Variants in TANC2 observed in about 807,000 individuals in gnomAD.
TANC2 encodes the protein tetratricopeptide repeat, ankyrin repeat and coiled-coil containing 2, also known as protein TANC2.
Under a neutral mutation model 210.5 loss-of-function variants are expected in TANC2, and 26 were observed. The ratio of observed to expected loss-of-function variants is 0.12; its 90% CI spans 0.09 to 0.17. The LOEUF is 0.17. Among genes scored for constraint, TANC2 ranks in the 10% least tolerant of loss-of-function variants. The pLI is 1.00. For synonymous variants in TANC2, 931 were observed against 967.1 expected (o/e 0.96, Z 0.69); for missense variants, 2,129 against 2,608.9 (o/e 0.82, Z 4.01).
chr17:63,178,358 A>G (rs1028961451), intron 5 of TANC2, among the ~76,000 whole-genome samples: 1 of 151,918 alleles, frequency 6.6e-6, no homozygotes, highest in East Asian at 1.9e-4. Flanking sequence ...AAACTGCCCT[A>G]TGGGCGCACA....
intron 4 of TANC2, among the ~76,000 whole-genome samples, chr17:63,115,891 A>T (rs747096978): frequency 1.3e-5 from 2 of 152,184 alleles, no homozygotes; most frequent in African/African-American, 2.4e-5. Flanking sequence ...CTGTTAGTCC[A>T]ACTACAGTCA....
intron 11 of TANC2, among the ~76,000 whole-genome samples, chr17:63,328,869 A>G (rs2088015697): frequency 6.6e-6 from 1 of 152,176 alleles, no homozygotes; most frequent in Non-Finnish European, 1.5e-5. Context: ...TTATATACAT[A>G]TATCAAAACA....
intron 7 of TANC2, among the ~76,000 whole-genome samples, chr17:63,232,960 A>G (rs2042519675): frequency 6.6e-6 from 1 of 152,200 alleles, no homozygotes; most frequent in Non-Finnish European, 1.5e-5. Context: ...GGAGTTACTG[A>G]AATTCCCACA....
chr17:62,971,112 G>T (rs2031667383), intron 1 of TANC2, among the ~76,000 whole-genome samples: 1 of 151,984 alleles, frequency 6.6e-6, no homozygotes, highest in African/African-American at 2.4e-5. Context: ...AATACCGCTT[G>T]GTTTCTTTGA....
chr17:63,164,757 A>T (rs1215221142), intron 5 of TANC2, among the ~76,000 whole-genome samples: 1 of 152,154 alleles, frequency 6.6e-6, no homozygotes, highest in Non-Finnish European at 1.5e-5. Context: ...GAGAAGATAG[A>T]TGTCACAGCT....
intron 3 of TANC2, among the ~76,000 whole-genome samples, chr17:63,092,284 A>C (rs1170454976): frequency 1.3e-5 from 2 of 152,134 alleles, no homozygotes; most frequent in Non-Finnish European, 2.9e-5. Context: ...TTTACTTACA[A>C]ACTGCCAAAC....
intron 14 of TANC2, among the ~76,000 whole-genome samples, chr17:63,364,284 A>C (rs76627615): frequency 0.016 from 2,504 of 152,296 alleles, 30 homozygotes; most frequent in Middle Eastern, 0.031. Context: ...GACATCTATT[A>C]GTCAAATAGG....
intron 1 of TANC2, among the ~76,000 whole-genome samples, chr17:63,002,263 T>C (rs1037905618): frequency 4.6e-5 from 7 of 152,206 alleles, no homozygotes; most frequent in African/African-American, 1.7e-4. Flanking sequence ...CTGGGCAAGA[T>C]GGTGCCAGTT....
At chr17:63,184,383 T>A (rs1037579363) in intron 5 of TANC2, among the ~76,000 whole-genome samples, 1 of 152,168 alleles carries the variant, frequency 6.6e-6, no homozygotes, top group Non-Finnish European at 1.5e-5. Flanking sequence ...TCAAGGTCAG[T>A]GCCCTAAGTT....
chr17:63,080,137 A>C (rs902416778), intron 3 of TANC2, among the ~76,000 whole-genome samples: 5 of 152,202 alleles, frequency 3.3e-5, no homozygotes, highest in Admixed American at 2.6e-4. Flanking sequence ...GGGTCTTTGC[A>C]TACAGAACAG....
intron 12 of TANC2, among the ~76,000 whole-genome samples, chr17:63,349,447 G>C (rs1203096731): frequency 6.6e-6 from 1 of 152,130 alleles, no homozygotes; most frequent in Non-Finnish European, 1.5e-5. Context: ...GAAGGAACCT[G>C]GTTGAAGTTA....
At position 63,237,477 on chromosome 17, in the gene TANC2, TTTGCCTGTTTTTGTTTTTG is replaced by T. The variant is rs1716983594; in HGVS notation, c.770-328_770-310del. ...CAGAAGCTTTTTAGTTTTAGTTGCA[TTTGCCTGTTTTTGTTTTTG>T]TTGCCTGTGCTTTTGAAGTCTTAGT... On this transcript the variant is annotated intron_variant, in intron 7 of 27. Coordinates refer to ENST00000689528, the Ensembl canonical transcript of TANC2. 2.0e-5 allele frequency among the ~76,000 whole-genome samples: 3 copies of T among 152,044 alleles called. No individual in the cohort carries two copies. The South Asian group carries it at 6.2e-4, about 31-fold the overall frequency.
chr17:63,042,952 A>G (rs1403428168), intron 2 of TANC2, among the ~76,000 whole-genome samples: 2 of 152,130 alleles, frequency 1.3e-5, no homozygotes, highest in African/African-American at 2.4e-5. Context: ...TATAGTTTAC[A>G]AAGTAACAAC....
intron 5 of TANC2, among the ~76,000 whole-genome samples, chr17:63,163,333 A>T (rs910619511): frequency 9.9e-5 from 15 of 152,250 alleles, no homozygotes; most frequent in Admixed American, 2.0e-4. Context: ...AGATCACCGG[A>T]GGGGAGGAAG....
intron 4 of TANC2, among the ~76,000 whole-genome samples, chr17:63,117,557 G>A (rs2038299366): frequency 6.6e-6 from 1 of 152,166 alleles, no homozygotes. Context: ...TGTGCTTTGG[G>A]ACCATAATCA....
At chr17:63,102,671 G>A (rs2037673836) in intron 4 of TANC2, among the ~76,000 whole-genome samples, 1 of 148,648 alleles carries the variant, frequency 6.7e-6, no homozygotes. Context: ...TCACACACCA[G>A]GATTGTACGA....
At chr17:63,043,850 G>A (rs899071774) in intron 2 of TANC2, among the ~76,000 whole-genome samples, 1 of 152,100 alleles carries the variant, frequency 6.6e-6, no homozygotes, top group African/African-American at 2.4e-5. Context: ...GCCCATAGCA[G>A]GTATATACAG....
In TANC2 at chr17:63,418,301, T is replaced by C; in HGVS notation, c.4168-6T>C. On this transcript the variant is annotated splice_polypyrimidine_tract_variant and splice_region_variant and intron_variant, in intron 26 of 27. Coordinates refer to ENST00000689528, the Ensembl canonical transcript of TANC2. This position sits in a 1 kb window ranked among gnomAD's most constrained non-coding sequence, Gnocchi z 4.6. Reference sequence around the variant, plus strand: ...TGACTCATTTGCACACCTATTGTAATGACAGGATTTTGGAATGGCGGAGGA... The same window carrying C: ...TGACTCATTTGCACACCTATTGTAACGACAGGATTTTGGAATGGCGGAGGA... 6.2e-7 allele frequency: 1 copy of C among 1,612,362 alleles called. No homozygotes were observed. Among genetic ancestry groups the C allele is most frequent in the Non-Finnish European group, 8.5e-7 (1 of 1,179,170 alleles).
At chr17:63,419,468 G>A (rs1216989492) in intron 27 of TANC2, among the ~76,000 whole-genome samples, 1 of 152,208 alleles carries the variant, frequency 6.6e-6, no homozygotes, top group African/African-American at 2.4e-5. Flanking sequence ...CTTTGATAGA[G>A]CAAATGGAGA....
Sources: allele counts gnomAD v4.1 joint callset (sites outside exome capture counted in the v4.1 genomes callset), GRCh38; gene constraint gnomAD v4.1.1; non-coding constraint Gnocchi (gnomAD v3.1); transcripts MANE v1.5; gene names NCBI Gene and HGNC (gene_info 2026-07-23, HGNC 2026-07-21).